PXDNL: variants seen among roughly 807,000 people sequenced by gnomAD.
PXDNL encodes the protein probable oxidoreductase PXDNL.
Under a neutral mutation model 150.8 loss-of-function variants are expected in PXDNL, and 145 were observed. The ratio of observed to expected loss-of-function variants is 0.96; its 90% CI spans 0.84 to 1.10. The LOEUF (loss-of-function observed/expected upper bound fraction) is 1.10, where lower values mean the gene tolerates loss of function less well. Among genes scored for constraint, PXDNL ranks in the 50% least tolerant of loss-of-function variants. The pLI, the probability that PXDNL is intolerant of heterozygous loss-of-function variation, is 0.00. For synonymous variants in PXDNL, 757 were observed against 725.7 expected (o/e 1.04, Z -0.69); for missense variants, 2,087 against 1,873.9 (o/e 1.11, Z -2.10).
At chr8:51,522,533 T>A (rs183664517) in intron 4 of PXDNL, among the ~76,000 whole-genome samples, 1 of 152,210 alleles carries the variant, frequency 6.6e-6, no homozygotes. Context: ...CATTTTCTTC[T>A]ATTGTAATTG....
At chr8:51,330,860 A>G (rs1805660842) in intron 21 of PXDNL, among the ~76,000 whole-genome samples, 1 of 152,222 alleles carries the variant, frequency 6.6e-6, no homozygotes, top group South Asian at 2.1e-4. Flanking sequence ...GGGTAAGACT[A>G]GAGTATGACT....
chr8:51,591,117 C>T (rs538095375), intron 3 of PXDNL, among the ~76,000 whole-genome samples: 36 of 152,240 alleles, frequency 2.4e-4, no homozygotes, highest in Non-Finnish European at 7.4e-5. Flanking sequence ...TTTCAACCCC[C>T]CTTTTTCTCC....
intron 1 of PXDNL, among the ~76,000 whole-genome samples, chr8:51,705,807 C>CTGTGTGTGTGTGTG (rs71550283): frequency 7.0e-6 from 1 of 143,262 alleles, no homozygotes; most frequent in African/African-American, 2.5e-5. Flanking sequence ...GGTGAAAACA[C>CTGTGTGTGTGTGTG]TGTGTGTGTG....
chr8:51,424,739 A>G (rs372666671), intron 13 of PXDNL, among the ~76,000 whole-genome samples: 6 of 152,214 alleles, frequency 3.9e-5, no homozygotes, highest in African/African-American at 9.7e-5. Context: ...AAAGACTCAC[A>G]GGAAACAGAG....
At chr8:51,500,690 G>C (rs549439162) in intron 4 of PXDNL, among the ~76,000 whole-genome samples, 1 of 152,166 alleles carries the variant, frequency 6.6e-6, no homozygotes, top group Non-Finnish European at 1.5e-5. Flanking sequence ...CAGATACAAA[G>C]TTTCCATGAA....
intron 21 of PXDNL, among the ~76,000 whole-genome samples, chr8:51,322,885 A>G (rs1468574600): frequency 6.6e-6 from 1 of 152,216 alleles, no homozygotes; most frequent in African/African-American, 2.4e-5. Flanking sequence ...TACTCAATAG[A>G]TATATTCAGT....
intron 1 of PXDNL, among the ~76,000 whole-genome samples, chr8:51,706,217 A>C (rs1174197442): frequency 6.6e-6 from 1 of 152,142 alleles, no homozygotes; most frequent in Non-Finnish European, 1.5e-5. Flanking sequence ...AGACTGAGGC[A>C]TGAAAATTAC....
intron 1 of PXDNL, among the ~76,000 whole-genome samples, chr8:51,804,280 T>C (rs1194386489): frequency 6.6e-6 from 1 of 152,192 alleles, no homozygotes; most frequent in African/African-American, 2.4e-5. Context: ...AAGGAGGCAA[T>C]CGGATACAGA....
Position 51,638,496 on chromosome 8 carries a change from A to G in PXDNL, c.236+16193T>C, listed in dbSNP as rs554591350. On this transcript the variant is annotated intron_variant, in intron 2 of 22. Coordinates refer to ENST00000356297, the MANE Select transcript of PXDNL (RefSeq NM_144651.5). ...ACACACATAGGCTCAAAATAAAGGA[A>G]TGGAGGAAGATCTACCAAGCAAATA... 2.6e-5 allele frequency among the ~76,000 whole-genome samples: 4 copies of G among 152,228 alleles called. No individual in the cohort carries two copies. The South Asian group carries it at 8.3e-4, about 32-fold the overall frequency.
intron 2 of PXDNL, among the ~76,000 whole-genome samples, chr8:51,616,405 T>C (rs1195337901): frequency 6.6e-6 from 1 of 152,140 alleles, no homozygotes; most frequent in Non-Finnish European, 1.5e-5. Context: ...CGAAAGAGAT[T>C]TTCTTTGGGC....
chr8:51,460,776 G>A (rs1343879261), intron 8 of PXDNL, among the ~76,000 whole-genome samples: 1 of 152,010 alleles, frequency 6.6e-6, no homozygotes, highest in Non-Finnish European at 1.5e-5. Context: ...CGGAGAGAAG[G>A]CAGAGGCAGA....
rs181554258 is a variant in PXDNL, at chr8:51,375,366, T to C, written c.3558-635A>G. ...CACTCAGAGAAAGAAAATATGTCCA[T>C]ATGCTTGACACTCCCAGTAGGAGCC... On this transcript the variant is annotated intron_variant, in intron 17 of 22. Transcript: ENST00000356297. 4.3e-3 allele frequency among the ~76,000 whole-genome samples: 650 copies of C among 152,318 alleles called. 22 individuals carry two copies. The highest frequency in any genetic ancestry group is 0.039 in the Admixed American group (594 of 15,300).
intron 19 of PXDNL, among the ~76,000 whole-genome samples, chr8:51,364,899 T>C (rs1387372508): frequency 6.6e-6 from 1 of 152,208 alleles, no homozygotes; most frequent in Non-Finnish European, 1.5e-5. Context: ...TTATAGCAGA[T>C]AATACTGTAA....
chr8:51,559,144 A>T (rs918441004), intron 3 of PXDNL, among the ~76,000 whole-genome samples: 3 of 151,930 alleles, frequency 2.0e-5, no homozygotes, highest in African/African-American at 4.8e-5. Context: ...TCAAATGGAA[A>T]ACTTAACATT....
intron 20 of PXDNL, among the ~76,000 whole-genome samples, chr8:51,343,512 C>A (rs1563365976): frequency 6.6e-6 from 1 of 152,132 alleles, no homozygotes; most frequent in Non-Finnish European, 1.5e-5. Flanking sequence ...ATAAAATTAG[C>A]CAATCTTTAG....
chr8:51,567,286 A>G (rs965332050), intron 3 of PXDNL, among the ~76,000 whole-genome samples: 2 of 151,816 alleles, frequency 1.3e-5, no homozygotes, highest in Middle Eastern at 3.2e-3. Context: ...AATTTCAATT[A>G]GACCCAGTTG....
intron 17 of PXDNL, among the ~76,000 whole-genome samples, chr8:51,393,349 G>A (rs139768054): frequency 8.5e-5 from 13 of 152,266 alleles, no homozygotes; most frequent in East Asian, 3.9e-4. Flanking sequence ...TACAATGATC[G>A]TCATATTCGG....
chr8:51,346,476 G>T (rs897495454), intron 19 of PXDNL, among the ~76,000 whole-genome samples: 3 of 152,158 alleles, frequency 2.0e-5, no homozygotes, highest in Non-Finnish European at 4.4e-5. Flanking sequence ...CAATCAAAAA[G>T]ATATGAGAAT....
chr8:51,719,600 A>C (rs930563759), intron 1 of PXDNL, among the ~76,000 whole-genome samples: 1 of 152,048 alleles, frequency 6.6e-6, no homozygotes, highest in African/African-American at 2.4e-5. Context: ...TGACCCTGCC[A>C]AATCCCCCTC....
Sources: gnomAD v4.1 joint callset for allele counts (sites outside exome capture counted in the v4.1 genomes callset) on GRCh38, gnomAD v4.1.1 for gene constraint, MANE v1.5 for transcripts, NCBI Gene and HGNC (gene_info 2026-07-23, HGNC 2026-07-21) for gene names.